Variants in PSMD12 observed in about 807,000 individuals in gnomAD.
PSMD12 encodes 26S proteasome non-ATPase regulatory subunit 12.
PSMD12 carries 8 observed loss-of-function variants against 62.9 expected under a neutral mutation model. The ratio of observed to expected loss-of-function variants is 0.13; its 90% CI spans 0.07 to 0.23. The LOEUF is 0.23. PSMD12 is among the 10% of genes least tolerant of loss of function. The pLI is 1.00. For missense variants in PSMD12, 424 were observed against 550.2 expected (o/e 0.77, Z 2.29); for synonymous variants, 173 against 187.4 (o/e 0.92, Z 0.63).
rs2041886605 is a variant in PSMD12, at chr17:67,339,148, C to T, written c.*1695G>A. The T allele has an allele frequency of 6.6e-6, 1 of 151,370 alleles. No individual in the cohort carries two copies. Among genetic ancestry groups the T allele is most frequent in the Admixed American group, 6.6e-5 (1 of 15,212 alleles). The allele number at this position is 151,370 out of a possible 1,614,324, so 9.4% of individuals were successfully genotyped here. A position where few individuals can be genotyped will look rare whatever the true frequency, so the allele number is the denominator to read the frequency against. On this transcript the variant is annotated 3_prime_UTR_variant, in exon 11 of 11. Transcript: ENST00000356126. ...TTTGAGACGGAGTCTCACTCTGTCA[C>T]CCAGGCTGGAGTGCAATGGTGTGAT...
chr17:67,346,639 T>C (rs1330992119), intron 7 of PSMD12, among the ~76,000 whole-genome samples: 1 of 152,150 alleles, frequency 6.6e-6, no homozygotes, highest in Non-Finnish European at 1.5e-5. Flanking sequence ...TGCCTTTTCA[T>C]AGTGTCTTTC....
intron 9 of PSMD12, among the ~76,000 whole-genome samples, chr17:67,342,822 G>T: frequency 6.8e-6 from 1 of 146,910 alleles, no homozygotes; most frequent in African/African-American, 2.6e-5. Flanking sequence ...TATAGTCCTA[G>T]CTACCTAGGA....
chr17:67,365,135 G>A (rs1372714113), intron 1 of PSMD12, among the ~76,000 whole-genome samples: 1 of 148,040 alleles, frequency 6.8e-6, no homozygotes, highest in Non-Finnish European at 1.5e-5. Context: ...AGTCAGCCAA[G>A]ATTGCGCCAC....
chr17:67,339,847 AT>A lies in PSMD12; in HGVS notation c.*995del. 2 of 152,214 alleles carry A rather than the reference AT, an allele frequency of 1.3e-5. No homozygotes were observed. Among genetic ancestry groups the A allele is most frequent in the Admixed American group, 1.3e-4 (2 of 15,278 alleles). 9.4% of individuals were successfully genotyped at this position (152,214 alleles called of 1,614,324 possible). A position where few individuals can be genotyped will look rare whatever the true frequency, so the allele number is the denominator to read the frequency against. On this transcript the variant is annotated 3_prime_UTR_variant, in exon 11 of 11. Coordinates refer to ENST00000356126, the MANE Select transcript of PSMD12 (RefSeq NM_002816.5). Reference sequence around the variant, plus strand: ...AAGCTACTTTTAATTCCGTGAAAATATTTTAATACTACACCACTTACTATGA... The same window carrying A: ...AAGCTACTTTTAATTCCGTGAAAATATTTAATACTACACCACTTACTATGA...
intron 3 of PSMD12, among the ~76,000 whole-genome samples, chr17:67,351,492 C>G (rs1342732017): frequency 6.6e-6 from 1 of 151,172 alleles, no homozygotes; most frequent in Non-Finnish European, 1.5e-5. Flanking sequence ...GTTAAGGCAG[C>G]AGAAAAGTGA....
chr17:67,355,238 C>T (rs2042057363), intron 3 of PSMD12: 1 of 151,942 alleles, frequency 6.6e-6, no homozygotes, highest in South Asian at 2.1e-4. Flanking sequence ...ATTACAGGCG[C>T]CTGCCACTAC....
chr17:67,340,844 TATTGTAG>T lies in PSMD12; in HGVS notation c.1363_1369del (p.Leu455LysfsTer10). 6.4e-7 allele frequency: 1 copy of T among 1,566,946 alleles called. No individual in the cohort carries two copies. The highest frequency in any genetic ancestry group is 8.6e-7 in the Non-Finnish European group (1 of 1,161,568). The stretch of plus-strand genomic sequence containing the variant: ...CTTTTTTCTAAAGCACTAAGACCCT[TATTGTAG>T]ATTATGTATCATCTCCTCTTTGGCT... On this transcript the variant is annotated frameshift_variant and stop_lost, in exon 11 of 11. Coordinates refer to ENST00000356126, the MANE Select transcript of PSMD12 (RefSeq NM_002816.5). LOFTEE classifies it high-confidence loss of function.
chr17:67,348,522 T>C lies in PSMD12; in HGVS notation c.510+28A>G. ...AAAATGCTGCTGACAAAACAAAGTT[T>C]TACCAACTCTAAAATGCAATACCTT... On this transcript the variant is annotated intron_variant, in intron 5 of 10. Coordinates refer to ENST00000356126, the MANE Select transcript of PSMD12 (RefSeq NM_002816.5). 3 of 1,574,262 alleles carry C rather than the reference T, an allele frequency of 1.9e-6. No individual in the cohort carries two copies. The African/African-American group carries it at 4.1e-5, about 21-fold the overall frequency.
intron 9 of PSMD12, among the ~76,000 whole-genome samples, chr17:67,342,755 G>A (rs1172845137): frequency 6.6e-6 from 1 of 152,040 alleles, no homozygotes; most frequent in African/African-American, 2.4e-5. Flanking sequence ...TGGGAACACA[G>A]CAAGACCCCA....
At position 67,340,957 on chromosome 17, in the gene PSMD12, C is replaced by T; in HGVS notation, c.1257G>A (p.Lys419=). The change falls in exon 11 of 11, where the codon AAG becomes AAA. Residue 419 remains lysine, a synonymous_variant. Transcript: ENST00000356126. ...AGTCATTTAATAAATTATTTGGATCCTTGGGTCTCTGGAAGTTGATAATTC... is the reference window on the plus strand; with the variant it reads ...AGTCATTTAATAAATTATTTGGATCTTTGGGTCTCTGGAAGTTGATAATTC... ...LAGIINFQRP[K]DPNNLLNDWS... 4 of 1,582,290 alleles carry T rather than the reference C, an allele frequency of 2.5e-6. No individual in the cohort carries two copies. The highest frequency in any genetic ancestry group is 2.4e-5 in the South Asian group (2 of 84,770).
chr17:67,347,080 TAAG>T, intron 7 of PSMD12, 33 bp downstream of exon 7: 2 of 1,556,166 alleles, frequency 1.3e-6, no homozygotes, highest in Non-Finnish European at 1.7e-6. Flanking sequence ...CTCTTCTGAA[TAAG>T]AAGCCATGTC....
At chr17:67,355,435 A>C (rs963498369) in intron 3 of PSMD12, 2 of 152,182 alleles carry the variant, frequency 1.3e-5, no homozygotes, top group African/African-American at 4.8e-5. Context: ...AAAGAAAAAT[A>C]AACCAAAATC....
rs1440576843 is a variant in PSMD12 at position 67,345,857 on chromosome 17, C to T, written c.796G>A (p.Ala266Thr). The T allele has an allele frequency of 1.2e-6, 2 of 1,607,240 alleles. No homozygotes were observed. Among genetic ancestry groups the T allele is most frequent in the Non-Finnish European group, 1.7e-6 (2 of 1,174,050 alleles). Residue 266 changes from alanine (A) to threonine (T), a missense_variant and splice_region_variant, in exon 8 of 11, where the codon GCT becomes ACT. Transcript: ENST00000356126. ...IQAESEKWQQ[A>T]LKSVVLYVIL... ...ACATAGAGTACAACACTCTTCAGAG[C>T]CTAAAAGAGTTGTACAACAAGTTAT...
intron 5 of PSMD12, 82 bp from the exon 6 acceptor site, chr17:67,347,567 T>C: frequency 3.0e-6 from 4 of 1,334,030 alleles, no homozygotes; most frequent in Non-Finnish European, 3.1e-6. Context: ...TATTAAAATA[T>C]TCATCCTTGT....
intron 1 of PSMD12, among the ~76,000 whole-genome samples, chr17:67,365,396 A>G (rs2042169920): frequency 6.6e-6 from 1 of 152,172 alleles, no homozygotes; most frequent in Non-Finnish European, 1.5e-5. Context: ...GGATAATAGT[A>G]ATAGCCATCG....
At chr17:67,349,043 G>A (rs770880900) in intron 4 of PSMD12, among the ~76,000 whole-genome samples, 16 of 152,126 alleles carry the variant, frequency 1.1e-4, no homozygotes, top group Non-Finnish European at 1.9e-4. Flanking sequence ...TTTTGAGATG[G>A]AGTTTCGCTC....
intron 1 of PSMD12, among the ~76,000 whole-genome samples, chr17:67,365,137 T>C (rs144385590): frequency 5.3e-5 from 8 of 150,974 alleles, no homozygotes; most frequent in Non-Finnish European, 1.2e-4. Flanking sequence ...TCAGCCAAGA[T>C]TGCGCCACTG....
intron 3 of PSMD12, among the ~76,000 whole-genome samples, chr17:67,355,038 T>G (rs1236068804): frequency 1.3e-5 from 2 of 151,506 alleles, no homozygotes; most frequent in Non-Finnish European, 2.9e-5. Context: ...TTAGGTTGTC[T>G]CAATTAAATT....
At chr17:67,345,408 G>A (rs538992568) in intron 8 of PSMD12, among the ~76,000 whole-genome samples, 25 of 152,062 alleles carry the variant, frequency 1.6e-4, no homozygotes, top group African/African-American at 4.3e-4. Flanking sequence ...TTGGGTGGCC[G>A]AGGTGGGCGG....
Sources: gnomAD v4.1 joint callset for allele counts (sites outside exome capture counted in the v4.1 genomes callset) on GRCh38, gnomAD v4.1.1 for gene constraint, MANE v1.5 for transcripts, NCBI Gene and HGNC (gene_info 2026-07-23, HGNC 2026-07-21) for gene names.